The following ARHGEF10L variants were observed in gnomAD, a reference collection of about 807,000 sequenced individuals.
ARHGEF10L encodes the protein Rho guanine nucleotide exchange factor 10 like.
ARHGEF10L carries 69 observed loss-of-function variants against 141.2 expected under a neutral mutation model. That is an observed-to-expected ratio of 0.49 (90% CI 0.40 to 0.60). The LOEUF is 0.60. Among genes scored for constraint, ARHGEF10L ranks in the 20% least tolerant of loss-of-function variants. The probability of loss-of-function intolerance (pLI) is 0.00; values close to 1 mark genes in which losing one functional copy is unlikely to be tolerated. For missense variants in ARHGEF10L, 1,482 were observed against 1,734.3 expected (o/e 0.85, Z 2.58); for synonymous variants, 711 against 718.5 (o/e 0.99, Z 0.17).
chr1:17,563,282 T>C (rs1570485502), intron 1 of ARHGEF10L, among the ~76,000 whole-genome samples: 1 of 150,952 alleles, frequency 6.6e-6, no homozygotes, highest in East Asian at 2.0e-4. Context: ...TTGCCCAGGG[T>C]GGAGCGCAGT....
chr1:17,613,012 G>A, intron 7 of ARHGEF10L, 46 bp from the exon 8 acceptor site: 1 of 1,327,972 alleles, frequency 7.5e-7, no homozygotes, highest in Non-Finnish European at 1.1e-6. Context: ...TGTCCCGCCT[G>A]CTCCTCTCAC....
chr1:17,564,572 G>A (rs1187593079), intron 1 of ARHGEF10L, among the ~76,000 whole-genome samples: 1 of 152,182 alleles, frequency 6.6e-6, no homozygotes, highest in Non-Finnish European at 1.5e-5. Context: ...AAATACTGTA[G>A]GGGCTCAAGA....
intron 1 of ARHGEF10L, among the ~76,000 whole-genome samples, chr1:17,550,071 G>A (rs1285092384): frequency 6.6e-6 from 1 of 152,160 alleles, no homozygotes; most frequent in Non-Finnish European, 1.5e-5. Context: ...GGGAACCAGA[G>A]GAAAGGCAAG....
chr1:17,558,058 C>T lies in ARHGEF10L; in HGVS notation c.-44+18108C>T, dbSNP rs1295436405. Among the ~76,000 whole-genome samples, 1 of 151,850 alleles carries T rather than the reference C, an allele frequency of 6.6e-6. No homozygotes were observed. The highest frequency in any genetic ancestry group is 1.5e-5 in the Non-Finnish European group (1 of 67,964). On this transcript the variant is annotated intron_variant, in intron 1 of 28. Transcript: ENST00000361221. This position sits in a 1 kb window ranked among gnomAD's most constrained non-coding sequence, Gnocchi z 4.2. Reference sequence around the variant, plus strand: ...TTCATCTCTCCATTCATTTACCCACCCACCCGTGCATCCATCTGTCCATCT... The same window carrying T: ...TTCATCTCTCCATTCATTTACCCACTCACCCGTGCATCCATCTGTCCATCT...
intron 1 of ARHGEF10L, among the ~76,000 whole-genome samples, chr1:17,545,004 A>G (rs903827319): frequency 1.3e-5 from 2 of 152,160 alleles, no homozygotes; most frequent in Non-Finnish European, 2.9e-5. Flanking sequence ...ATTACCTCCC[A>G]CCACGTCCCT....
chr1:17,609,235 G>A (rs563974341), intron 7 of ARHGEF10L, among the ~76,000 whole-genome samples: 3 of 152,330 alleles, frequency 2.0e-5, no homozygotes, highest in Admixed American at 2.0e-4. Flanking sequence ...ATGCTGGCCG[G>A]AGGAACACCC....
At chr1:17,546,068 G>A (rs553700198) in intron 1 of ARHGEF10L, among the ~76,000 whole-genome samples, 1 of 152,316 alleles carries the variant, frequency 6.6e-6, no homozygotes, top group Admixed American at 6.5e-5. Flanking sequence ...AGGAGGCACA[G>A]CATCATCTGG....
intron 2 of ARHGEF10L, among the ~76,000 whole-genome samples, chr1:17,582,543 C>A (rs560097642): frequency 6.6e-6 from 1 of 152,218 alleles, no homozygotes; most frequent in Admixed American, 6.5e-5. Context: ...CATTCCTGCG[C>A]GTGTCTTCAG....
chr1:17,626,997 T>TG (rs1270138687), intron 14 of ARHGEF10L, among the ~76,000 whole-genome samples: 1 of 152,260 alleles, frequency 6.6e-6, no homozygotes, highest in Non-Finnish European at 1.5e-5. Context: ...ACATTTTGTT[T>TG]ACGCGTTAGT....
chr1:17,683,051 A>T (rs1163567347), intron 26 of ARHGEF10L, among the ~76,000 whole-genome samples: 1 of 152,056 alleles, frequency 6.6e-6, no homozygotes, highest in Non-Finnish European at 1.5e-5. Context: ...CAGCAGCAAG[A>T]CCAGTGAGCA....
chr1:17,576,736 C>T (rs925791879), intron 1 of ARHGEF10L, among the ~76,000 whole-genome samples: 6 of 152,188 alleles, frequency 3.9e-5, no homozygotes, highest in African/African-American at 1.2e-4. Flanking sequence ...CAGCACAGGA[C>T]GCTCAGGAAG....
the ARHGEF10L span, among the ~76,000 whole-genome samples, chr1:17,516,656 A>C: frequency 6.6e-6 from 1 of 151,848 alleles, no homozygotes; most frequent in Non-Finnish European, 1.5e-5. Context: ...AACTGCTGCA[A>C]CCTCCTCCTT....
intron 27 of ARHGEF10L, among the ~76,000 whole-genome samples, chr1:17,692,566 C>T (rs552745398): frequency 1.3e-5 from 2 of 152,202 alleles, no homozygotes; most frequent in Non-Finnish European, 2.9e-5. Context: ...TCGCTCTGCT[C>T]CAAACAGGTC....
chr1:17,612,911 CT>C (rs929366894), intron 7 of ARHGEF10L, 146 bp from the exon 8 acceptor site: 1 of 637,836 alleles, frequency 1.6e-6, no homozygotes. Flanking sequence ...TGCCTGGGAC[CT>C]GGGGTGCCGC....
At chr1:17,596,773 G>T (rs1468902118) in intron 4 of ARHGEF10L, among the ~76,000 whole-genome samples, 1 of 152,222 alleles carries the variant, frequency 6.6e-6, no homozygotes. Flanking sequence ...CGGCGCGGTG[G>T]CTCATGCCTG....
intron 26 of ARHGEF10L, among the ~76,000 whole-genome samples, chr1:17,672,037 G>A (rs1400846679): frequency 6.6e-6 from 1 of 152,162 alleles, no homozygotes; most frequent in East Asian, 1.9e-4. Flanking sequence ...TGAAGCGCGT[G>A]CGGTCAGCAA....
rs1439131111 is a variant in ARHGEF10L, at chr1:17,644,475, C to T, written c.2273-4079C>T. On this transcript the variant is annotated intron_variant, in intron 21 of 28. Transcript: ENST00000361221. The surrounding 1 kb of genome is among the most constrained non-coding windows in gnomAD (Gnocchi z 4.5). Reference sequence around the variant, plus strand: ...TTGGAGTCCGACCCTGGTTTTACCCCAGCTGGGAGACTGTGGCTACTTGCT... The same window carrying T: ...TTGGAGTCCGACCCTGGTTTTACCCTAGCTGGGAGACTGTGGCTACTTGCT... Among the ~76,000 whole-genome samples the T allele has an allele frequency of 6.6e-6, 1 of 152,224 alleles. No individual in the cohort carries two copies. Among genetic ancestry groups the T allele is most frequent in the Non-Finnish European group, 1.5e-5 (1 of 68,042 alleles).
At chr1:17,515,371 G>A in the ARHGEF10L span, among the ~76,000 whole-genome samples, 2 of 150,094 alleles carry the variant, frequency 1.3e-5, no homozygotes, top group African/African-American at 4.9e-5. Context: ...TCGGCTCACT[G>A]CAACCTCTGC....
intron 7 of ARHGEF10L, among the ~76,000 whole-genome samples, chr1:17,608,702 T>C (rs1006326992): frequency 2.0e-5 from 3 of 152,136 alleles, no homozygotes; most frequent in Non-Finnish European, 2.9e-5. Flanking sequence ...TGCTGAGATT[T>C]GCAGTTTCAT....
Sources: gnomAD v4.1 joint callset for allele counts (sites outside exome capture counted in the v4.1 genomes callset) on GRCh38, gnomAD v4.1.1 for gene constraint, Gnocchi (gnomAD v3.1) non-coding constraint, MANE v1.5 for transcripts, NCBI Gene and HGNC (gene_info 2026-07-23, HGNC 2026-07-21) for gene names.